RNF150: variants seen among roughly 807,000 people sequenced by gnomAD.
RNF150 encodes the protein ring finger protein 150.
A neutral mutation model predicts 39.3 loss-of-function variants in RNF150; 24 were observed. That is an observed-to-expected ratio of 0.61 (90% CI 0.44 to 0.86). RNF150 has a LOEUF of 0.86. Ranked by LOEUF, RNF150 falls within the 40% of genes least tolerant of loss-of-function variation. RNF150 has a pLI of 0.00. For missense variants in RNF150, 502 were observed against 587.8 expected (o/e 0.85, Z 1.51); for synonymous variants, 255 against 227.3 (o/e 1.12, Z -1.10).
At chr4:140,956,327 G>C (rs1467601964) in intron 2 of RNF150, among the ~76,000 whole-genome samples, 1 of 152,176 alleles carries the variant, frequency 6.6e-6, no homozygotes, top group Non-Finnish European at 1.5e-5. Flanking sequence ...GTGAATGGCA[G>C]CAGAAGTGGC....
intron 5 of RNF150, among the ~76,000 whole-genome samples, chr4:140,918,223 A>G (rs567852785): frequency 6.6e-6 from 1 of 152,206 alleles, no homozygotes; most frequent in Non-Finnish European, 1.5e-5. Flanking sequence ...GAGACACAAA[A>G]AACCCTTCAA....
chr4:140,946,557 G>C (rs1560981054), intron 4 of RNF150, among the ~76,000 whole-genome samples: 3 of 151,992 alleles, frequency 2.0e-5, no homozygotes, highest in African/African-American at 7.3e-5. Flanking sequence ...CATGATCATT[G>C]CTCAGTATAA....
chr4:140,964,922 T>C (rs1443007592), intron 2 of RNF150, among the ~76,000 whole-genome samples: 2 of 151,910 alleles, frequency 1.3e-5, no homozygotes, highest in Non-Finnish European at 2.9e-5. Context: ...GGGTATTTAA[T>C]ATATGTTAAA....
At chr4:140,933,608 T>A (rs899336717) in intron 4 of RNF150, among the ~76,000 whole-genome samples, 2 of 152,220 alleles carry the variant, frequency 1.3e-5, no homozygotes, top group Non-Finnish European at 2.9e-5. Context: ...GTAGGCTATG[T>A]TAAGTGGATG....
chr4:141,144,611 A>T (rs57532703), intron 1 of RNF150, among the ~76,000 whole-genome samples: 1 of 152,086 alleles, frequency 6.6e-6, no homozygotes, highest in East Asian at 1.9e-4. Context: ...CTTAGACTTC[A>T]GAAACTTTAG....
chr4:141,187,336 G>A (rs1728030790), intron 1 of RNF150, among the ~76,000 whole-genome samples: 1 of 152,164 alleles, frequency 6.6e-6, no homozygotes, highest in Admixed American at 6.5e-5. Flanking sequence ...TGTTGATTTG[G>A]GGTGGAGAGT....
In RNF150 at chr4:141,132,329, G is replaced by C. The variant is rs746196657; in HGVS notation, c.480C>G (p.His160Gln). ...CGCGCCCGCTGGGCCACTCACCCGCGTGGGGCATGGTGATGGTCTCGTTGG... is the reference window on the plus strand; with the variant it reads ...CGCGCCCGCTGGGCCACTCACCCGCCTGGGGCATGGTGATGGTCTCGTTGG... ...SNTNETITMP[H>Q]AGVEDIVAIM... Residue 160 changes from histidine (H) to glutamine (Q), a missense_variant, in exon 1 of 7, where the codon CAC becomes CAG. Transcript: ENST00000515673. The surrounding 1 kb of genome is among the most constrained non-coding windows in gnomAD (Gnocchi z 4.9). 2 of 1,574,522 alleles carry C rather than the reference G, an allele frequency of 1.3e-6. No individual in the cohort carries two copies. Among genetic ancestry groups the C allele is most frequent in the Non-Finnish European group, 1.7e-6 (2 of 1,160,078 alleles).
In RNF150 at chr4:140,866,207, AG is replaced by A. The variant is rs1728702584; in HGVS notation, c.*2053del. On this transcript the variant is annotated 3_prime_UTR_variant, in exon 7 of 7. Transcript: ENST00000515673. The stretch of plus-strand genomic sequence containing the variant: ...GGCTGTTATTACATGATACATGTCA[AG>A]TAACTCTACCTCCCCAAGCTACGAA... The A allele has an allele frequency of 6.6e-6, 1 of 152,258 alleles. No individual in the cohort carries two copies. Among genetic ancestry groups the A allele is most frequent in the Admixed American group, 6.5e-5 (1 of 15,286 alleles). The allele number at this position is 152,258 out of a possible 1,614,324, so 9.4% of individuals were successfully genotyped here.
intron 6 of RNF150, among the ~76,000 whole-genome samples, chr4:140,877,033 T>C (rs967521022): frequency 1.3e-5 from 2 of 152,240 alleles, no homozygotes; most frequent in African/African-American, 4.8e-5. Context: ...GAATTCCCTG[T>C]ATATTAAATT....
intron 1 of RNF150, among the ~76,000 whole-genome samples, chr4:141,000,036 A>C (rs28660548): frequency 1.8e-5 from 1 of 55,482 alleles, no homozygotes; most frequent in Non-Finnish European, 5.0e-5. Context: ...GAAGAAGAAG[A>C]AGAAGAAGAA....
intron 1 of RNF150, among the ~76,000 whole-genome samples, chr4:141,056,017 A>C (rs1291800302): frequency 6.6e-6 from 1 of 152,208 alleles, no homozygotes; most frequent in Non-Finnish European, 1.5e-5. Flanking sequence ...TACATAATTT[A>C]GGTGTTCCTC....
At chr4:140,881,164 T>A (rs1242080336) in intron 6 of RNF150, among the ~76,000 whole-genome samples, 1 of 151,306 alleles carries the variant, frequency 6.6e-6, no homozygotes, top group African/African-American at 2.4e-5. Flanking sequence ...CTTTCCTTTG[T>A]ACTTTTTTTT....
chr4:141,078,739 G>A (rs1408266397), intron 1 of RNF150, among the ~76,000 whole-genome samples: 3 of 139,616 alleles, frequency 2.1e-5, no homozygotes, highest in Non-Finnish European at 4.5e-5. Context: ...GCAGTGAGCC[G>A]AGATCGTGCC....
intron 6 of RNF150, among the ~76,000 whole-genome samples, chr4:140,905,512 C>T (rs1306811290): frequency 6.6e-6 from 1 of 152,082 alleles, no homozygotes; most frequent in African/African-American, 2.4e-5. Flanking sequence ...ATTCTTGACC[C>T]CATCACCCAT....
At chr4:141,082,893 A>C (rs755100040) in intron 1 of RNF150, among the ~76,000 whole-genome samples, 1 of 152,258 alleles carries the variant, frequency 6.6e-6, no homozygotes, top group Non-Finnish European at 1.5e-5. Flanking sequence ...ACTTATAAGT[A>C]TCATGCCCAA....
At chr4:141,073,665 G>T (rs1560723034) in intron 1 of RNF150, among the ~76,000 whole-genome samples, 2 of 115,936 alleles carry the variant, frequency 1.7e-5, no homozygotes, top group East Asian at 2.2e-4. Context: ...ATCAAGCTCG[G>T]GGGGGGAAGT....
rs202177869 is a variant in RNF150 at position 140,947,683 on chromosome 4, G to C, written c.861C>G (p.Pro287=). The part of the protein sequence containing the change: ...NCAVCIEGYK[P]NDVVRILPCR... ...AGGGCAGGATCCGGACAACGTCATT[G>C]GGCTTGTACCCTTCAATACAAACTG... Residue 287 remains proline, a synonymous_variant, in exon 4 of 7, where the codon CCC becomes CCG. Coordinates refer to ENST00000515673, the MANE Select transcript of RNF150 (RefSeq NM_020724.2). 1 of 1,608,304 alleles carries C rather than the reference G, an allele frequency of 6.2e-7. No individual in the cohort carries two copies. Among genetic ancestry groups the C allele is most frequent in the South Asian group, 1.1e-5 (1 of 89,192 alleles).
chr4:140,985,658 AT>A (rs1160451362), intron 1 of RNF150, among the ~76,000 whole-genome samples: 1 of 152,166 alleles, frequency 6.6e-6, no homozygotes, highest in Non-Finnish European at 1.5e-5. Flanking sequence ...TGTAAAATAT[AT>A]ACTGGAATTT....
intron 6 of RNF150, among the ~76,000 whole-genome samples, chr4:140,880,818 A>G (rs1452931149): frequency 6.6e-6 from 1 of 152,076 alleles, no homozygotes; most frequent in Non-Finnish European, 1.5e-5. Flanking sequence ...GGTTATTCAC[A>G]GTAGTCTCAT....
Sources: allele counts gnomAD v4.1 joint callset (sites outside exome capture counted in the v4.1 genomes callset), GRCh38; gene constraint gnomAD v4.1.1; non-coding constraint Gnocchi (gnomAD v3.1); transcripts MANE v1.5; gene names NCBI Gene and HGNC (gene_info 2026-07-23, HGNC 2026-07-21).